ZBTB20: variants seen among roughly 807,000 people sequenced by gnomAD.
ZBTB20 encodes zinc finger and BTB domain-containing protein 20.
A neutral mutation model predicts 56.9 loss-of-function variants in ZBTB20; 9 were observed. The observed-to-expected ratio is 0.16, with a 90% CI of 0.10 to 0.28. ZBTB20 has a LOEUF of 0.28. ZBTB20 is among the 10% of genes least tolerant of loss of function. ZBTB20 has a pLI of 1.00. For synonymous variants in ZBTB20, 417 were observed against 420.7 expected (o/e 0.99, Z 0.11); for missense variants, 655 against 1,003.0 (o/e 0.65, Z 4.69).
At chr3:114,506,460 A>C (rs1292383761) in intron 6 of ZBTB20, among the ~76,000 whole-genome samples, 1 of 152,122 alleles carries the variant, frequency 6.6e-6, no homozygotes, top group Non-Finnish European at 1.5e-5. Context: ...AAATGAAAGC[A>C]GTAGTGCTGG....
intron 1 of ZBTB20, among the ~76,000 whole-genome samples, chr3:115,120,425 C>T (rs2084151918): frequency 1.3e-5 from 2 of 151,964 alleles, no homozygotes; most frequent in Non-Finnish European, 2.9e-5. Context: ...TAACATCATA[C>T]AAACTCTCTA....
intron 4 of ZBTB20, among the ~76,000 whole-genome samples, chr3:114,817,355 C>T (rs2072996712): frequency 1.3e-5 from 2 of 151,780 alleles, no homozygotes; most frequent in Non-Finnish European, 2.9e-5. Flanking sequence ...CCCGTCTCTA[C>T]TAAAAATACA....
In ZBTB20 at chr3:114,916,780, ATTT is replaced by A. The variant is rs147795762; in HGVS notation, c.-455-16441_-455-16439del. Among the ~76,000 whole-genome samples, 208 of 152,100 alleles carry A rather than the reference ATTT, an allele frequency of 1.4e-3. 3 individuals are homozygous for A. In the East Asian group the frequency reaches 0.025, roughly 18 times the overall value. On this transcript the variant is annotated intron_variant, in intron 3 of 11. Transcript: ENST00000675478. ...GATGCCAGATGCTCTGTTGTATGTT[ATTT>A]GTTTCTTTTCTCTTTCTACTTTTAG...
At chr3:114,421,158 C>T (rs1167719703) in intron 7 of ZBTB20, among the ~76,000 whole-genome samples, 1 of 151,996 alleles carries the variant, frequency 6.6e-6, no homozygotes, top group Non-Finnish European at 1.5e-5. Context: ...ACAGGATAGT[C>T]TAGAGAGTTG....
intron 7 of ZBTB20, among the ~76,000 whole-genome samples, chr3:114,412,607 C>G (rs752126335): frequency 6.6e-6 from 1 of 152,052 alleles, no homozygotes; most frequent in Non-Finnish European, 1.5e-5. Context: ...TTCATGCTAG[C>G]GATGCTAGCA....
rs183213190 is a variant in ZBTB20, at chr3:114,382,530, C to T, written c.-153-1590G>A. ...GAATATCCCATATTTCATCTCTGCC[C>T]TGTTGAAATCATACTTATTATCCTT... is the stretch of plus-strand genomic sequence containing the variant. On this transcript the variant is annotated intron_variant, in intron 8 of 11. Coordinates refer to ENST00000675478, the MANE Select transcript of ZBTB20 (RefSeq NM_001348800.3). Among the ~76,000 whole-genome samples the T allele has an allele frequency of 4.6e-5, 7 of 152,272 alleles. No individual in the cohort carries two copies. In the East Asian group the frequency reaches 1.3e-3, roughly 29 times the overall value.
chr3:114,688,761 G>A (rs1296464482), intron 6 of ZBTB20, among the ~76,000 whole-genome samples: 1 of 152,146 alleles, frequency 6.6e-6, no homozygotes, highest in Non-Finnish European at 1.5e-5. Flanking sequence ...GTATTGAGAG[G>A]TTACAGATTT....
At chr3:115,043,037 C>G (rs2081201155) in intron 2 of ZBTB20, among the ~76,000 whole-genome samples, 2 of 152,164 alleles carry the variant, frequency 1.3e-5, no homozygotes, top group African/African-American at 4.8e-5. Flanking sequence ...TAACTTCTAT[C>G]TCTATAATTT....
chr3:115,042,941 T>A (rs72943844), intron 2 of ZBTB20, among the ~76,000 whole-genome samples: 3 of 152,200 alleles, frequency 2.0e-5, no homozygotes, highest in Non-Finnish European at 2.9e-5. Flanking sequence ...AGTGTTGAGA[T>A]CCTAAATTAA....
chr3:115,022,134 T>C (rs1206911373), intron 2 of ZBTB20, among the ~76,000 whole-genome samples: 5 of 150,606 alleles, frequency 3.3e-5, no homozygotes, highest in Non-Finnish European at 7.5e-5. Flanking sequence ...AAATTTAGGA[T>C]ACGTAAAAAA....
At chr3:115,130,053 A>ATGCTT (rs1198167546) in intron 1 of ZBTB20, among the ~76,000 whole-genome samples, 6 of 152,186 alleles carry the variant, frequency 3.9e-5, no homozygotes, top group Non-Finnish European at 8.8e-5. Flanking sequence ...TATCCACATC[A>ATGCTT]TGCTTTTTCA....
At chr3:114,855,197 A>G (rs2107448427) in intron 4 of ZBTB20, among the ~76,000 whole-genome samples, 1 of 152,338 alleles carries the variant, frequency 6.6e-6, no homozygotes, top group East Asian at 1.9e-4. Flanking sequence ...ACAGATTACT[A>G]TTATATAGCA....
intron 6 of ZBTB20, among the ~76,000 whole-genome samples, chr3:114,616,028 C>T (rs1160205907): frequency 3.3e-5 from 5 of 152,200 alleles, no homozygotes; most frequent in Non-Finnish European, 7.3e-5. Flanking sequence ...CATAAGGCTG[C>T]TCTGCTAAAA....
intron 4 of ZBTB20, among the ~76,000 whole-genome samples, chr3:114,891,374 A>T (rs1417782760): frequency 2.6e-5 from 4 of 152,190 alleles, no homozygotes; most frequent in African/African-American, 4.8e-5. Context: ...TTTATTTTTT[A>T]AAAAACCTGT....
intron 7 of ZBTB20, among the ~76,000 whole-genome samples, chr3:114,422,147 A>C (rs2089236587): frequency 6.6e-6 from 1 of 152,212 alleles, no homozygotes; most frequent in Admixed American, 6.5e-5. Flanking sequence ...GGGTAAAATG[A>C]AGAGAAATGA....
At chr3:114,619,816 T>C (rs755598734) in intron 6 of ZBTB20, among the ~76,000 whole-genome samples, 3 of 152,302 alleles carry the variant, frequency 2.0e-5, no homozygotes, top group Admixed American at 6.5e-5. Context: ...TGCAAATGAT[T>C]TGGCTGCCAG....
intron 7 of ZBTB20, among the ~76,000 whole-genome samples, chr3:114,431,265 C>T (rs187810695): frequency 6.6e-6 from 1 of 152,252 alleles, no homozygotes; most frequent in Admixed American, 6.5e-5. Flanking sequence ...CCTCCCAGCT[C>T]TCCATGGATG....
chr3:114,888,741 A>G (rs1459516023), intron 4 of ZBTB20, among the ~76,000 whole-genome samples: 1 of 152,176 alleles, frequency 6.6e-6, no homozygotes, highest in Non-Finnish European at 1.5e-5. Context: ...GCATGATTAA[A>G]GATTATGTTT....
chr3:114,592,358 G>T (rs968360048), intron 6 of ZBTB20, among the ~76,000 whole-genome samples: 1 of 152,192 alleles, frequency 6.6e-6, no homozygotes, highest in African/African-American at 2.4e-5. Context: ...TTGTGTCCTG[G>T]TATCATCAAA....
Sources: gnomAD v4.1 joint callset for allele counts (sites outside exome capture counted in the v4.1 genomes callset) on GRCh38, gnomAD v4.1.1 for gene constraint, MANE v1.5 for transcripts, NCBI Gene and HGNC (gene_info 2026-07-23, HGNC 2026-07-21) for gene names.